NKAIN2: variants seen among roughly 807,000 people sequenced by gnomAD.
NKAIN2 encodes the protein sodium/potassium transporting ATPase interacting 2.
Under a neutral mutation model 32.6 loss-of-function variants are expected in NKAIN2, and 14 were observed. That is an observed-to-expected ratio of 0.43 (90% CI 0.28 to 0.67). The LOEUF is 0.67. NKAIN2 is among the 30% of genes least tolerant of loss of function. NKAIN2 has a pLI of 0.17. For synonymous variants in NKAIN2, 80 were observed against 87.2 expected (o/e 0.92, Z 0.46); for missense variants, 198 against 258.3 (o/e 0.77, Z 1.60).
intron 1 of NKAIN2, among the ~76,000 whole-genome samples, chr6:124,046,122 T>G (rs1237275485): frequency 6.6e-6 from 1 of 152,028 alleles, no homozygotes; most frequent in Non-Finnish European, 1.5e-5. Flanking sequence ...AATAGTAGCT[T>G]TAATGAAATT....
At chr6:124,544,843 GC>G (rs1417276019) in intron 3 of NKAIN2, among the ~76,000 whole-genome samples, 1 of 152,112 alleles carries the variant, frequency 6.6e-6, no homozygotes, top group Non-Finnish European at 1.5e-5. Flanking sequence ...TTTAAAAAAT[GC>G]ACTTTAAATT....
intron 1 of NKAIN2, among the ~76,000 whole-genome samples, chr6:123,842,482 C>G (rs1582632990): frequency 6.6e-6 from 1 of 152,110 alleles, no homozygotes; most frequent in Non-Finnish European, 1.5e-5. Flanking sequence ...CTCAGAGGCC[C>G]TATATACAAA....
chr6:124,434,988 TAG>T (rs1203809903), intron 3 of NKAIN2, among the ~76,000 whole-genome samples: 15 of 152,200 alleles, frequency 9.9e-5, no homozygotes, highest in South Asian at 4.1e-4. Context: ...CATTCTTGAA[TAG>T]AGTTACTTAT....
intron 1 of NKAIN2, among the ~76,000 whole-genome samples, chr6:124,011,093 G>A (rs4310075): frequency 0.38 from 57,371 of 151,850 alleles, 11,227 homozygotes; most frequent in African/African-American, 0.49. Context: ...CTTACTCTAT[G>A]TTTTAATATC....
intron 3 of NKAIN2, among the ~76,000 whole-genome samples, chr6:124,449,646 GCATACACACA>G (rs1452932721): frequency 4.0e-5 from 6 of 151,860 alleles, no homozygotes; most frequent in Non-Finnish European, 7.4e-5. Context: ...AATTTTACGT[GCATACACACA>G]CATACACACA....
At chr6:124,467,569 A>G (rs1776811726) in intron 3 of NKAIN2, among the ~76,000 whole-genome samples, 2 of 152,116 alleles carry the variant, frequency 1.3e-5, no homozygotes, top group Admixed American at 6.6e-5. Context: ...TTTACAAGGA[A>G]AACTCAGAGA....
intron 1 of NKAIN2, among the ~76,000 whole-genome samples, chr6:123,945,941 T>G (rs1199544888): frequency 6.6e-6 from 1 of 152,212 alleles, no homozygotes; most frequent in Non-Finnish European, 1.5e-5. Context: ...TAATTTATGG[T>G]AACATCTGTT....
At chr6:124,576,815 A>G (rs1434381948) in intron 3 of NKAIN2, among the ~76,000 whole-genome samples, 1 of 152,248 alleles carries the variant, frequency 6.6e-6, no homozygotes, top group African/African-American at 2.4e-5. Flanking sequence ...AACTGTATAC[A>G]AAAATTAAGT....
chr6:124,364,067 G>A (rs114835192), intron 3 of NKAIN2, among the ~76,000 whole-genome samples: 4,777 of 151,974 alleles, frequency 0.031, 238 homozygotes, highest in African/African-American at 0.11. Flanking sequence ...TGGAATTTAT[G>A]TAAAGAATCA....
chr6:124,652,652 C>T (rs768650132), intron 3 of NKAIN2, among the ~76,000 whole-genome samples: 4 of 151,994 alleles, frequency 2.6e-5, no homozygotes, highest in African/African-American at 4.8e-5. Flanking sequence ...ATCAAGGGGC[C>T]GGCATCCATC....
At position 124,309,712 on chromosome 6, in the gene NKAIN2, A is replaced by G. The variant is rs537454847; in HGVS notation, c.192+26570A>G. 2.5e-3 allele frequency among the ~76,000 whole-genome samples: 387 copies of G among 152,224 alleles called. 3 individuals carry two copies. Among genetic ancestry groups the G allele is most frequent in the Non-Finnish European group, 4.5e-3 (308 of 67,998 alleles). ...AATTGTAAGTGGATTGATTTTGACA[A>G]TGTGATCCTGTAGATTCATTTCAGT... On this transcript the variant is annotated intron_variant, in intron 2 of 6. Transcript: ENST00000368417.
At chr6:124,476,768 G>A (rs977533481) in intron 3 of NKAIN2, among the ~76,000 whole-genome samples, 24 of 152,100 alleles carry the variant, frequency 1.6e-4, no homozygotes, top group Admixed American at 1.4e-3. Flanking sequence ...TAACAATGAT[G>A]TGAGATAGGA....
rs141042453 is a variant in NKAIN2 at position 124,632,137 on chromosome 6, G to T, written c.274-26049G>T. On this transcript the variant is annotated intron_variant, in intron 3 of 6. Transcript: ENST00000368417. Reference sequence around the variant, plus strand: ...CGTTTAAATAGTGTAAATTCAGATAGCTAATTTGATTACAGCTGTGAACAC... The same window carrying T: ...CGTTTAAATAGTGTAAATTCAGATATCTAATTTGATTACAGCTGTGAACAC... Among the ~76,000 whole-genome samples, 845 of 152,188 alleles carry T rather than the reference G, an allele frequency of 5.6e-3. 10 individuals carry two copies. The highest frequency in any genetic ancestry group is 0.018 in the African/African-American group (748 of 41,518).
At chr6:124,511,245 A>T (rs1583361916) in intron 3 of NKAIN2, among the ~76,000 whole-genome samples, 1 of 152,208 alleles carries the variant, frequency 6.6e-6, no homozygotes, top group East Asian at 1.9e-4. Flanking sequence ...GAGATTATAA[A>T]TGCAGCTTTA....
chr6:124,334,467 A>T (rs1029761897), intron 2 of NKAIN2, among the ~76,000 whole-genome samples: 21 of 151,950 alleles, frequency 1.4e-4, no homozygotes, highest in Non-Finnish European at 8.8e-5. Flanking sequence ...AAAGAAAGAT[A>T]ATTTGGTGGG....
intron 3 of NKAIN2, among the ~76,000 whole-genome samples, chr6:124,640,764 G>A (rs1783956242): frequency 1.3e-5 from 2 of 152,174 alleles, no homozygotes; most frequent in African/African-American, 4.8e-5. Context: ...TTGAGATTTT[G>A]AGCCTGGAAG....
chr6:124,544,009 C>T (rs670842), intron 3 of NKAIN2, among the ~76,000 whole-genome samples: 22,644 of 152,118 alleles, frequency 0.15, 2,107 homozygotes, highest in East Asian at 0.23. Flanking sequence ...TGCAGGCTAT[C>T]CCTGAGAGAG....
chr6:124,660,543 G>C (rs1036204136), intron 4 of NKAIN2, among the ~76,000 whole-genome samples: 1 of 152,194 alleles, frequency 6.6e-6, no homozygotes, highest in Non-Finnish European at 1.5e-5. Context: ...GAACAGATGT[G>C]ACCAATATTT....
At chr6:124,683,479 A>G (rs1324093296) in intron 4 of NKAIN2, among the ~76,000 whole-genome samples, 1 of 152,148 alleles carries the variant, frequency 6.6e-6, no homozygotes, top group Non-Finnish European at 1.5e-5. Flanking sequence ...CACACAGTTT[A>G]CTGGAATTAG....
Sources: gnomAD v4.1 joint callset for allele counts (sites outside exome capture counted in the v4.1 genomes callset) on GRCh38, gnomAD v4.1.1 for gene constraint, MANE v1.5 for transcripts, NCBI Gene and HGNC (gene_info 2026-07-23, HGNC 2026-07-21) for gene names.